The following GRID2 variants were observed in gnomAD, a reference collection of about 807,000 sequenced individuals.
GRID2 encodes the protein glutamate receptor ionotropic, delta-2.
Under a neutral mutation model 114.8 loss-of-function variants are expected in GRID2, and 33 were observed. That is an observed-to-expected ratio of 0.29 (90% CI 0.22 to 0.38). The LOEUF is 0.38. Among genes scored for constraint, GRID2 ranks in the 10% least tolerant of loss-of-function variants. GRID2 has a pLI of 1.00. For missense variants in GRID2, 1,184 were observed against 1,257.7 expected, an observed-to-expected ratio of 0.94 and a Z score of 0.89; for synonymous variants, 505 against 449.9, an observed-to-expected ratio of 1.12 and a Z score of -1.55.
intron 1 of GRID2, among the ~76,000 whole-genome samples, chr4:92,417,608 A>G (rs1384138458): frequency 2.0e-5 from 3 of 152,176 alleles, no homozygotes; most frequent in Non-Finnish European, 4.4e-5. Context: ...ACTATATATA[A>G]TAGTGTTCAG....
At chr4:93,261,296 A>G (rs989830816) in intron 8 of GRID2, among the ~76,000 whole-genome samples, 1 of 151,894 alleles carries the variant, frequency 6.6e-6, no homozygotes, top group African/African-American at 2.4e-5. Context: ...GGAAACTTGC[A>G]AAGTATAGGG....
intron 1 of GRID2, among the ~76,000 whole-genome samples, chr4:92,431,482 T>G (rs1285525262): frequency 6.6e-6 from 1 of 152,126 alleles, no homozygotes; most frequent in Non-Finnish European, 1.5e-5. Flanking sequence ...TTTTAATATA[T>G]TGTTGAATTT....
At chr4:93,253,869 G>A (rs535813824) in intron 8 of GRID2, among the ~76,000 whole-genome samples, 317 of 152,134 alleles carry the variant, frequency 2.1e-3, no homozygotes, top group African/African-American at 7.2e-3. Context: ...TAAGGTTGTC[G>A]ATATAGGTTC....
intron 2 of GRID2, among the ~76,000 whole-genome samples, chr4:92,895,382 AACAT>A (rs912275286): frequency 2.5e-5 from 1 of 40,506 alleles, no homozygotes; most frequent in African/African-American, 3.3e-4. Context: ...TCATGTAGAA[AACAT>A]ATATATATAT....
At chr4:92,576,461 T>C (rs999030556) in intron 1 of GRID2, among the ~76,000 whole-genome samples, 1 of 152,148 alleles carries the variant, frequency 6.6e-6, no homozygotes, top group African/African-American at 2.4e-5. Flanking sequence ...TGAGATGCTA[T>C]GGAAGTTGGG....
chr4:93,254,213 A>G (rs1348621070), intron 8 of GRID2, among the ~76,000 whole-genome samples: 2 of 152,122 alleles, frequency 1.3e-5, no homozygotes, highest in Non-Finnish European at 2.9e-5. Context: ...AATTCAATAA[A>G]TACACTTTTC....
chr4:93,383,330 T>G (rs1237374511), intron 8 of GRID2, among the ~76,000 whole-genome samples: 1 of 152,176 alleles, frequency 6.6e-6, no homozygotes, highest in Non-Finnish European at 1.5e-5. Flanking sequence ...CATGCTGGCT[T>G]TTGTGAACTG....
chr4:92,679,873 T>C (rs1016866349), intron 2 of GRID2, among the ~76,000 whole-genome samples: 2 of 151,662 alleles, frequency 1.3e-5, no homozygotes, highest in Admixed American at 6.6e-5. Context: ...TTTCTTCTGA[T>C]ACGTAATTGC....
In GRID2 at chr4:92,749,310, C is replaced by CTATTTTTTTT. The variant is rs1295067924; in HGVS notation, c.244+159025_244+159026insATTTTTTTTT. 7.5e-4 allele frequency among the ~76,000 whole-genome samples: 54 copies of CTATTTTTTTT among 72,038 alleles called. 1 individual carries two copies. The highest frequency in any genetic ancestry group is 3.6e-3 in the East Asian group (9 of 2,524). The allele number at this position is 72,038 out of a possible 152,430, so 47.3% of individuals were successfully genotyped here. ...CGCCGCGCCCGGCCTTGATTTGTAG[C>CTATTTTTTTT]TTTTTTTTTTTTTTTTTTTTTTGAG... On this transcript the variant is annotated intron_variant, in intron 2 of 15. Transcript: ENST00000282020.
chr4:92,700,994 A>AAAAAAACAAAAC (rs1221425115), intron 2 of GRID2, among the ~76,000 whole-genome samples: 11 of 96,308 alleles, frequency 1.1e-4, no homozygotes, highest in African/African-American at 4.0e-4. Context: ...ACTCCATCTC[A>AAAAAAACAAAAC]AAAAAAAAAA....
chr4:92,626,764 T>C (rs1204134429), intron 2 of GRID2, among the ~76,000 whole-genome samples: 1 of 151,708 alleles, frequency 6.6e-6, no homozygotes, highest in African/African-American at 2.4e-5. Context: ...ATAAGCAAAA[T>C]CACAAAACAA....
chr4:93,332,291 T>TGAGAGAGAGAGAGAGAGA (rs1439107466), intron 8 of GRID2, among the ~76,000 whole-genome samples: 6 of 107,346 alleles, frequency 5.6e-5, no homozygotes, highest in African/African-American at 3.3e-4. Flanking sequence ...TGTGTGTGTG[T>TGAGAGAGAGAGAGAGAGA]GTGTGTGTGA....
At chr4:92,926,194 T>C (rs1489510999) in intron 2 of GRID2, among the ~76,000 whole-genome samples, 1 of 151,998 alleles carries the variant, frequency 6.6e-6, no homozygotes. Flanking sequence ...AAGAAGCGAC[T>C]GATGGTCCCA....
chr4:92,759,634 C>T (rs974644825), intron 2 of GRID2, among the ~76,000 whole-genome samples: 2 of 151,762 alleles, frequency 1.3e-5, no homozygotes, highest in East Asian at 1.9e-4. Context: ...GATGGAGTTT[C>T]GCTTTTGTTG....
At chr4:92,561,274 C>T (rs576981279) in intron 1 of GRID2, among the ~76,000 whole-genome samples, 2 of 152,246 alleles carry the variant, frequency 1.3e-5, no homozygotes, top group African/African-American at 4.8e-5. Flanking sequence ...ACAATTGCAT[C>T]TTTATTTCAT....
At chr4:93,175,359 C>T (rs940062608) in intron 4 of GRID2, among the ~76,000 whole-genome samples, 3 of 151,948 alleles carry the variant, frequency 2.0e-5, no homozygotes, top group African/African-American at 7.3e-5. Context: ...TTAGTACAGA[C>T]GAGGTTTCAT....
Position 92,343,580 on chromosome 4 carries a change from AT to A in GRID2, c.88+38837del, listed in dbSNP as rs542173401. Among the ~76,000 whole-genome samples the A allele has an allele frequency of 4.8e-3, 728 of 152,156 alleles. 8 individuals carry two copies. The highest frequency in any genetic ancestry group is 0.017 in the African/African-American group (686 of 41,522). ...TTTTAAATATATGTGTTTATATTAT[AT>A]ATATATTTGGAGATGGAGTTTTGCT... On this transcript the variant is annotated intron_variant, in intron 1 of 15. Coordinates refer to ENST00000282020, the MANE Select transcript of GRID2 (RefSeq NM_001510.4).
At chr4:93,746,383 A>G (rs1041495043) in intron 14 of GRID2, among the ~76,000 whole-genome samples, 2 of 152,100 alleles carry the variant, frequency 1.3e-5, no homozygotes, top group South Asian at 4.1e-4. Context: ...TATTTCATAT[A>G]TCTTATTTCA....
In GRID2 at chr4:92,776,762, TTA is replaced by T. The variant is rs373313668; in HGVS notation, c.244+186477_244+186478del. On this transcript the variant is annotated intron_variant, in intron 2 of 15. Transcript: ENST00000282020. The stretch of plus-strand genomic sequence containing the variant: ...GCTATTTTCATTTTAAAGAAGATAG[TTA>T]ATATATTAACTAAAAGAAGTTAATA... 5.9e-5 allele frequency among the ~76,000 whole-genome samples: 9 copies of T among 152,152 alleles called. No individual in the cohort carries two copies. In the East Asian group the frequency reaches 1.7e-3, roughly 29 times the overall value.
Sources: allele counts gnomAD v4.1 joint callset (sites outside exome capture counted in the v4.1 genomes callset), GRCh38; gene constraint gnomAD v4.1.1; transcripts MANE v1.5; gene names NCBI Gene and HGNC (gene_info 2026-07-23, HGNC 2026-07-21).